The following SH3GL3 variants were observed in gnomAD, a reference collection of about 807,000 sequenced individuals.
SH3GL3 encodes SH3 domain containing GRB2 like 3, endophilin A3.
A neutral mutation model predicts 47.7 loss-of-function variants in SH3GL3; 33 were observed. That is an observed-to-expected ratio of 0.69 (90% CI 0.52 to 0.92). The LOEUF is 0.92. Among genes scored for constraint, SH3GL3 ranks in the 40% least tolerant of loss-of-function variants. SH3GL3 has a pLI of 0.00. For missense variants in SH3GL3, 363 were observed against 417.8 expected, an observed-to-expected ratio of 0.87 and a Z score of 1.14; for synonymous variants, 155 against 148.8, an observed-to-expected ratio of 1.04 and a Z score of -0.30.
intron 1 of SH3GL3, among the ~76,000 whole-genome samples, chr15:83,486,621 A>G (rs1214326430): frequency 6.6e-6 from 1 of 152,208 alleles, no homozygotes; most frequent in African/African-American, 2.4e-5. Context: ...TAAATATACC[A>G]TAATTTGTCT....
At chr15:83,493,305 A>G (rs1262575339) in intron 1 of SH3GL3, among the ~76,000 whole-genome samples, 3 of 152,280 alleles carry the variant, frequency 2.0e-5, no homozygotes, top group South Asian at 4.1e-4. Flanking sequence ...TAACTGTTGA[A>G]GCTGGGTGAT....
intron 1 of SH3GL3, among the ~76,000 whole-genome samples, chr15:83,505,110 C>T (rs756277264): frequency 5.9e-4 from 89 of 152,072 alleles, no homozygotes; most frequent in Non-Finnish European, 1.0e-3. Context: ...CACTTACATA[C>T]GTATCTGTTC....
rs779532694 is a variant in SH3GL3 at position 83,618,297 on chromosome 15, A to G, written c.*10A>G. 1 of 1,538,504 alleles carries G rather than the reference A, an allele frequency of 6.5e-7. No homozygotes were observed. Among genetic ancestry groups the G allele is most frequent in the South Asian group, 1.1e-5 (1 of 89,530 alleles). ...GCCTTTACCTCAGTAAATGTGTAACACAAACTCTGGACATACTTTCGTAAC... is the reference window on the plus strand; with the variant it reads ...GCCTTTACCTCAGTAAATGTGTAACGCAAACTCTGGACATACTTTCGTAAC... On this transcript the variant is annotated 3_prime_UTR_variant, in exon 9 of 9. Coordinates refer to ENST00000427482, the MANE Select transcript of SH3GL3 (RefSeq NM_003027.5).
rs1030937858 is a variant in SH3GL3, at chr15:83,461,083, A to G, written c.45+13505A>G. ...GGGCGACAGAGCGAGACTCCATCTCAAAAAAAAAAAAAAGTACTGTACACA... is the reference window on the plus strand; with the variant it reads ...GGGCGACAGAGCGAGACTCCATCTCGAAAAAAAAAAAAAGTACTGTACACA... On this transcript the variant is annotated intron_variant, in intron 1 of 8. Transcript: ENST00000427482. Among the ~76,000 whole-genome samples, 18 of 144,438 alleles carry G rather than the reference A, an allele frequency of 1.2e-4. No individual in the cohort carries two copies. In the East Asian group the frequency reaches 3.2e-3, roughly 25 times the overall value. 94.8% of individuals were successfully genotyped at this position (144,438 alleles called of 152,430 possible). A position where few individuals can be genotyped will look rare whatever the true frequency, so the allele number is the denominator to read the frequency against.
intron 1 of SH3GL3, among the ~76,000 whole-genome samples, chr15:83,491,423 C>G (rs1350237672): frequency 2.0e-5 from 3 of 152,070 alleles, no homozygotes. Context: ...CTTTTTTTGC[C>G]TGCACTGTCT....
At chr15:83,565,753 T>C (rs1200616555) in intron 3 of SH3GL3, 2 of 152,152 alleles carry the variant, frequency 1.3e-5, no homozygotes, top group African/African-American at 4.8e-5. Flanking sequence ...AGGTTGTAAA[T>C]TATAGGAACC....
chr15:83,538,991 C>T (rs1331602365), intron 1 of SH3GL3, among the ~76,000 whole-genome samples: 1 of 152,102 alleles, frequency 6.6e-6, no homozygotes, highest in African/African-American at 2.4e-5. Flanking sequence ...TATGAGTGTT[C>T]CAGTTGCACC....
intron 1 of SH3GL3, among the ~76,000 whole-genome samples, chr15:83,492,680 T>C (rs150602032): frequency 3.6e-3 from 547 of 152,314 alleles, no homozygotes; most frequent in African/African-American, 0.013. Context: ...TAGCCAAAGA[T>C]GGGTGGAAAG....
intron 8 of SH3GL3, among the ~76,000 whole-genome samples, chr15:83,604,085 G>T (rs1315184864): frequency 3.9e-5 from 6 of 152,146 alleles, no homozygotes; most frequent in Non-Finnish European, 7.3e-5. Context: ...CGGTGAGGTT[G>T]TGGTGAGCCG....
At chr15:83,562,312 A>G (rs1395553874) in intron 2 of SH3GL3, among the ~76,000 whole-genome samples, 3 of 152,026 alleles carry the variant, frequency 2.0e-5, no homozygotes, top group African/African-American at 7.2e-5. Flanking sequence ...GTTTTTGGTC[A>G]TTTGTTTCTT....
intron 1 of SH3GL3, among the ~76,000 whole-genome samples, chr15:83,550,138 TAC>T: frequency 6.6e-6 from 1 of 152,346 alleles, no homozygotes; most frequent in Admixed American, 6.5e-5. Context: ...TTACTATTGA[TAC>T]TTAAAATTGT....
chr15:83,480,091 A>G (rs1164575823), intron 1 of SH3GL3, among the ~76,000 whole-genome samples: 2 of 152,174 alleles, frequency 1.3e-5, no homozygotes, highest in African/African-American at 4.8e-5. Context: ...TTTTGGATGG[A>G]AACTAATTAG....
At chr15:83,592,341 G>T (rs750963707) in intron 8 of SH3GL3, among the ~76,000 whole-genome samples, 24 of 152,066 alleles carry the variant, frequency 1.6e-4, no homozygotes, top group Non-Finnish European at 3.1e-4. Context: ...CTCTTAAAAT[G>T]CACTCCTCCC....
rs372329097 is a variant in SH3GL3, at chr15:83,595,993, G to A, written c.838+7222G>A. Among the ~76,000 whole-genome samples, 23 of 152,100 alleles carry A rather than the reference G, an allele frequency of 1.5e-4. No individual in the cohort carries two copies. In the South Asian group the frequency reaches 3.7e-3, roughly 25 times the overall value. The stretch of plus-strand genomic sequence containing the variant: ...GTCATTGAGTCCTTTCGCCTTTTCC[G>A]ATATATGTGTTTAGCGCTATCAATT... On this transcript the variant is annotated intron_variant, in intron 8 of 8. Transcript: ENST00000427482.
chr15:83,559,798 T>TGGATAGAACCA (rs1369313913), intron 2 of SH3GL3, among the ~76,000 whole-genome samples: 1 of 152,188 alleles, frequency 6.6e-6, no homozygotes, highest in African/African-American at 2.4e-5. Context: ...AGTGTGAACT[T>TGGATAGAACCA]GGATAAGTGA....
intron 6 of SH3GL3, among the ~76,000 whole-genome samples, chr15:83,585,932 T>G (rs1401575162): frequency 6.6e-6 from 1 of 152,216 alleles, no homozygotes; most frequent in Non-Finnish European, 1.5e-5. Flanking sequence ...CTTGGATCTT[T>G]GAAGGCTAAG....
chr15:83,523,088 T>G (rs914419732), intron 1 of SH3GL3, among the ~76,000 whole-genome samples: 6 of 152,230 alleles, frequency 3.9e-5, no homozygotes. Context: ...ACATATCTTG[T>G]GAAGGAAGTA....
chr15:83,462,749 C>T, intron 1 of SH3GL3, among the ~76,000 whole-genome samples: 1 of 152,182 alleles, frequency 6.6e-6, no homozygotes, highest in East Asian at 1.9e-4. Flanking sequence ...AAAATGATAG[C>T]CAACATCAAT....
intron 1 of SH3GL3, among the ~76,000 whole-genome samples, chr15:83,540,997 A>AT (rs2044127193): frequency 1.3e-5 from 2 of 152,048 alleles, no homozygotes; most frequent in South Asian, 4.1e-4. Context: ...CATGAGTTCA[A>AT]TTGTTTAAAT....
Sources: gnomAD v4.1 joint callset for allele counts (sites outside exome capture counted in the v4.1 genomes callset) on GRCh38, gnomAD v4.1.1 for gene constraint, MANE v1.5 for transcripts, NCBI Gene and HGNC (gene_info 2026-07-23, HGNC 2026-07-21) for gene names.